The following CCSER1 variants were observed in gnomAD, a reference collection of about 807,000 sequenced individuals.
CCSER1 encodes serine-rich coiled-coil domain-containing protein 1.
CCSER1 carries 41 observed loss-of-function variants against 82.0 expected under a neutral mutation model. The observed-to-expected ratio is 0.50, with a 90% CI of 0.39 to 0.65. The LOEUF (loss-of-function observed/expected upper bound fraction) is 0.65. CCSER1 is among the 30% of genes least tolerant of loss of function. CCSER1 has a pLI of 0.00. For missense variants in CCSER1, 1,119 were observed against 1,064.2 expected, an observed-to-expected ratio of 1.05 and a Z score of -0.72; for synonymous variants, 414 against 383.9, an observed-to-expected ratio of 1.08 and a Z score of -0.92.
At chr4:90,265,203 T>C (rs1191094090) in intron 1 of CCSER1, among the ~76,000 whole-genome samples, 2 of 151,952 alleles carry the variant, frequency 1.3e-5, no homozygotes, top group Non-Finnish European at 2.9e-5. Context: ...CCTATATTCC[T>C]GAGGCAATAT....
At chr4:91,126,886 CA>C (rs977800309) in intron 10 of CCSER1, among the ~76,000 whole-genome samples, 15 of 151,728 alleles carry the variant, frequency 9.9e-5, no homozygotes, top group African/African-American at 3.4e-4. Context: ...ATTGAAGATA[CA>C]GGGCCTGGAT....
chr4:90,979,614 A>C (rs935494708), intron 9 of CCSER1, among the ~76,000 whole-genome samples: 26 of 151,754 alleles, frequency 1.7e-4, no homozygotes, highest in African/African-American at 5.8e-4. Flanking sequence ...ACACTTCTCC[A>C]TCTGCCGCCA....
chr4:90,218,837 T>C (rs868358735), intron 1 of CCSER1, among the ~76,000 whole-genome samples: 1 of 149,810 alleles, frequency 6.7e-6, no homozygotes, highest in Non-Finnish European at 1.5e-5. Flanking sequence ...CTGGACAACA[T>C]AGCAAAACCC....
intron 5 of CCSER1, among the ~76,000 whole-genome samples, chr4:90,577,054 T>G (rs1271303310): frequency 6.6e-6 from 1 of 152,138 alleles, no homozygotes; most frequent in Non-Finnish European, 1.5e-5. Context: ...ATTAATGTTC[T>G]GCATTTTGGC....
chr4:90,597,113 C>G (rs186240445), intron 5 of CCSER1, among the ~76,000 whole-genome samples: 1 of 152,008 alleles, frequency 6.6e-6, no homozygotes, highest in African/African-American at 2.4e-5. Flanking sequence ...AATTTAAATT[C>G]TATCTTCTGA....
intron 10 of CCSER1, among the ~76,000 whole-genome samples, chr4:91,535,267 C>T (rs1163720023): frequency 6.6e-6 from 1 of 151,818 alleles, no homozygotes; most frequent in Non-Finnish European, 1.5e-5. Context: ...CAATTTATGA[C>T]ATTAATAAAG....
chr4:91,033,166 T>A (rs1223702775), intron 9 of CCSER1, among the ~76,000 whole-genome samples: 1 of 152,100 alleles, frequency 6.6e-6, no homozygotes, highest in Non-Finnish European at 1.5e-5. Flanking sequence ...CGAAATAGAA[T>A]ACACACAGAT....
intron 6 of CCSER1, among the ~76,000 whole-genome samples, chr4:90,662,652 T>C (rs568970589): frequency 1.8e-3 from 274 of 152,288 alleles, no homozygotes; most frequent in African/African-American, 6.3e-3. Flanking sequence ...AAATTTGATT[T>C]GCATTTTCAT....
chr4:90,510,249 C>T (rs558272231), intron 5 of CCSER1, among the ~76,000 whole-genome samples: 1 of 152,190 alleles, frequency 6.6e-6, no homozygotes, highest in East Asian at 1.9e-4. Context: ...TGCTTTTTAA[C>T]CTTCGCTGAA....
intron 10 of CCSER1, among the ~76,000 whole-genome samples, chr4:91,142,640 A>G (rs1346250307): frequency 6.6e-6 from 1 of 152,148 alleles, no homozygotes. Flanking sequence ...TAATTCTTGT[A>G]TATGTACAAG....
chr4:90,272,853 A>C (rs1472161075), intron 1 of CCSER1, among the ~76,000 whole-genome samples: 1 of 152,086 alleles, frequency 6.6e-6, no homozygotes, highest in East Asian at 1.9e-4. Context: ...AAATACAAAA[A>C]TTCGCTGAGC....
chr4:90,226,437 G>A (rs1254206959), intron 1 of CCSER1, among the ~76,000 whole-genome samples: 3 of 152,194 alleles, frequency 2.0e-5, no homozygotes, highest in African/African-American at 4.8e-5. Flanking sequence ...TGAGGTTCTA[G>A]TTCCTCTAGG....
intron 10 of CCSER1, among the ~76,000 whole-genome samples, chr4:91,307,777 AT>A (rs1317345860): frequency 1.3e-5 from 2 of 151,976 alleles, no homozygotes; most frequent in Non-Finnish European, 2.9e-5. Context: ...TATCATTTGA[AT>A]TGTAATTGTT....
At chr4:90,582,282 G>T (rs1187276153) in intron 5 of CCSER1, among the ~76,000 whole-genome samples, 3 of 152,154 alleles carry the variant, frequency 2.0e-5, no homozygotes, top group Non-Finnish European at 2.9e-5. Context: ...CTGAAGACAG[G>T]CTTTTCCTGG....
At chr4:90,652,042 G>T (rs534645114) in intron 6 of CCSER1, among the ~76,000 whole-genome samples, 1 of 152,190 alleles carries the variant, frequency 6.6e-6, no homozygotes, top group South Asian at 2.1e-4. Flanking sequence ...CAAGTGTTCT[G>T]CTAGCATTTA....
chr4:90,288,106 C>T (rs750886061), intron 1 of CCSER1, among the ~76,000 whole-genome samples: 18 of 152,030 alleles, frequency 1.2e-4, no homozygotes, highest in Non-Finnish European at 1.9e-4. Context: ...GCGAGAATGT[C>T]GTTATCTCTC....
intron 10 of CCSER1, among the ~76,000 whole-genome samples, chr4:91,557,025 G>GA (rs1331584363): frequency 6.6e-6 from 1 of 150,964 alleles, no homozygotes; most frequent in East Asian, 1.9e-4. Flanking sequence ...TAAATGGCAA[G>GA]AAAATAAATG....
intron 5 of CCSER1, among the ~76,000 whole-genome samples, chr4:90,612,372 C>T (rs1229441888): frequency 2.0e-5 from 3 of 152,072 alleles, no homozygotes; most frequent in African/African-American, 7.2e-5. Flanking sequence ...ACTTAAAAGA[C>T]AAGATAATCA....
chr4:90,616,894 G>C (rs1325369741), intron 5 of CCSER1, among the ~76,000 whole-genome samples: 1 of 152,086 alleles, frequency 6.6e-6, no homozygotes, highest in African/African-American at 2.4e-5. Flanking sequence ...AGCTTATCGA[G>C]GATTTCGCCA....
Sources: allele counts gnomAD v4.1 joint callset (sites outside exome capture counted in the v4.1 genomes callset), GRCh38; gene constraint gnomAD v4.1.1; transcripts MANE v1.5; gene names NCBI Gene and HGNC (gene_info 2026-07-23, HGNC 2026-07-21).